FAM81A: variants seen among roughly 807,000 people sequenced by gnomAD.
The protein encoded by FAM81A is protein FAM81A.
Under a neutral mutation model 46.7 loss-of-function variants are expected in FAM81A, and 19 were observed. That is an observed-to-expected ratio of 0.41 (90% CI 0.28 to 0.60). The LOEUF is 0.60. Among genes scored for constraint, FAM81A ranks in the 20% least tolerant of loss-of-function variants. The probability of loss-of-function intolerance (pLI) is 0.34; values close to 1 mark genes in which losing one functional copy is unlikely to be tolerated. For missense variants in FAM81A, 377 were observed against 453.5 expected (o/e 0.83, Z 1.53); for synonymous variants, 183 against 152.9 (o/e 1.20, Z -1.45).
chr15:59,400,170 A>C (rs6494107), intron 1 of FAM81A, among the ~76,000 whole-genome samples: 2 of 152,096 alleles, frequency 1.3e-5, no homozygotes, highest in African/African-American at 4.8e-5. Context: ...AGACTGACTC[A>C]TGCTCTTGCC....
At chr15:59,491,366 A>C (rs2081979090) in intron 3 of FAM81A, among the ~76,000 whole-genome samples, 1 of 152,204 alleles carries the variant, frequency 6.6e-6, no homozygotes. Flanking sequence ...GCTAAAAATT[A>C]AAACAATTGA....
At chr15:59,479,519 G>GAAA (rs57107735) in intron 3 of FAM81A, among the ~76,000 whole-genome samples, 12 of 72,650 alleles carry the variant, frequency 1.7e-4, no homozygotes, top group East Asian at 4.2e-4. Context: ...TCAAAAATAA[G>GAAA]AAAAAAAAAA....
intron 2 of FAM81A, among the ~76,000 whole-genome samples, chr15:59,432,947 A>G (rs1334658975): frequency 1.3e-5 from 2 of 149,164 alleles, no homozygotes; most frequent in African/African-American, 4.9e-5. Context: ...CATCCTCCCT[A>G]ACACGGTGAA....
intron 6 of FAM81A, among the ~76,000 whole-genome samples, chr15:59,514,081 G>GGT (rs1204877047): frequency 1.3e-5 from 2 of 152,008 alleles, no homozygotes; most frequent in East Asian, 1.9e-4. Flanking sequence ...TGGGGGCATG[G>GGT]GGGGGGCAAG....
At chr15:59,498,045 A>G (rs2082052601) in intron 4 of FAM81A, among the ~76,000 whole-genome samples, 1 of 152,026 alleles carries the variant, frequency 6.6e-6, no homozygotes, top group Non-Finnish European at 1.5e-5. Flanking sequence ...TTTTGTAGAG[A>G]CAGGGTCTCT....
At chr15:59,429,305 T>C (rs2081209510) in intron 2 of FAM81A, among the ~76,000 whole-genome samples, 1 of 152,236 alleles carries the variant, frequency 6.6e-6, no homozygotes, top group Non-Finnish European at 1.5e-5. Flanking sequence ...TTGCCAGGTT[T>C]CTGGTAGTTC....
At position 59,492,267 on chromosome 15, in the gene FAM81A, C is replaced by G. The variant is rs1480562481; in HGVS notation, c.295-4C>G. On this transcript the variant is annotated splice_region_variant and splice_polypyrimidine_tract_variant and intron_variant, in intron 3 of 8. Coordinates refer to ENST00000288228, the MANE Select transcript of FAM81A (RefSeq NM_152450.3). ...ACTCCCTTAGTGTTTTTTATGTTGC[C>G]CAGGTACTCCAGGAGCAGATTCGTG... is the stretch of plus-strand genomic sequence containing the variant. The G allele has an allele frequency of 1.2e-6, 2 of 1,604,710 alleles. No homozygotes were observed. The highest frequency in any genetic ancestry group is 2.7e-5 in the African/African-American group (2 of 74,826).
chr15:59,474,175 G>C (rs140775357), intron 3 of FAM81A, among the ~76,000 whole-genome samples: 1 of 152,232 alleles, frequency 6.6e-6, no homozygotes, highest in East Asian at 1.9e-4. Flanking sequence ...TACTTTACAA[G>C]CCTCTCAAAA....
chr15:59,453,513 G>A (rs1170674227), intron 1 of FAM81A, among the ~76,000 whole-genome samples: 8 of 152,148 alleles, frequency 5.3e-5, no homozygotes, highest in African/African-American at 1.9e-4. Flanking sequence ...GGCCCGCTGA[G>A]ATCATACAGC....
intron 1 of FAM81A, among the ~76,000 whole-genome samples, chr15:59,398,985 T>C (rs2081059180): frequency 6.6e-6 from 1 of 151,872 alleles, no homozygotes; most frequent in African/African-American, 2.4e-5. Flanking sequence ...CTGGCTAACA[T>C]GGTGAAACCC....
chr15:59,420,320 C>T (rs559175143), intron 2 of FAM81A, among the ~76,000 whole-genome samples: 13 of 152,212 alleles, frequency 8.5e-5, no homozygotes, highest in Non-Finnish European at 1.6e-4. Flanking sequence ...CCACTGTAAC[C>T]ATATGTAGGC....
chr15:59,514,835 G>A (rs902161336), intron 7 of FAM81A, among the ~76,000 whole-genome samples: 1 of 152,202 alleles, frequency 6.6e-6, no homozygotes, highest in Non-Finnish European at 1.5e-5. Flanking sequence ...AGCTACATGT[G>A]AGATACCACA....
chr15:59,410,061 G>A (rs1257418795), intron 2 of FAM81A, among the ~76,000 whole-genome samples: 1 of 152,128 alleles, frequency 6.6e-6, no homozygotes, highest in African/African-American at 2.4e-5. Context: ...CAAAACTATG[G>A]GAGGCTGAGG....
intron 2 of FAM81A, among the ~76,000 whole-genome samples, chr15:59,424,192 A>G (rs1372521235): frequency 6.6e-6 from 1 of 152,194 alleles, no homozygotes; most frequent in Non-Finnish European, 1.5e-5. Flanking sequence ...CCTTTGACCC[A>G]GCTGACCAGA....
intron 1 of FAM81A, among the ~76,000 whole-genome samples, chr15:59,454,693 A>G (rs2081461410): frequency 6.6e-6 from 1 of 152,062 alleles, no homozygotes; most frequent in Non-Finnish European, 1.5e-5. Context: ...TGGTGCAGTC[A>G]TGGCTCACTG....
chr15:59,503,964 G>A (rs532451596), intron 4 of FAM81A, among the ~76,000 whole-genome samples: 58 of 152,284 alleles, frequency 3.8e-4, no homozygotes, highest in African/African-American at 1.3e-3. Flanking sequence ...GCTAGTGAAA[G>A]CTTCAGAATA....
chr15:59,400,714 T>C, intron 1 of FAM81A, among the ~76,000 whole-genome samples: 1 of 152,214 alleles, frequency 6.6e-6, no homozygotes, highest in Non-Finnish European at 1.5e-5. Context: ...CAAGCTGCAA[T>C]GCTCTTTTCT....
chr15:59,462,665 C>T (rs1296658022), intron 3 of FAM81A, among the ~76,000 whole-genome samples: 2 of 152,126 alleles, frequency 1.3e-5, no homozygotes, highest in African/African-American at 4.8e-5. Context: ...AGTAACTCCC[C>T]ACTCCACTTT....
intron 1 of FAM81A, among the ~76,000 whole-genome samples, chr15:59,400,290 C>G (rs1406220846): frequency 6.6e-6 from 1 of 152,108 alleles, no homozygotes; most frequent in East Asian, 1.9e-4. Flanking sequence ...TCTCCCTCCC[C>G]GCCCACATCC....
Sources: allele counts gnomAD v4.1 joint callset (sites outside exome capture counted in the v4.1 genomes callset), GRCh38; gene constraint gnomAD v4.1.1; transcripts MANE v1.5; gene names NCBI Gene and HGNC (gene_info 2026-07-23, HGNC 2026-07-21).